MAN2A1: variants seen among roughly 807,000 people sequenced by gnomAD.
The protein encoded by MAN2A1 is alpha-mannosidase 2.
A neutral mutation model predicts 142.6 loss-of-function variants in MAN2A1; 76 were observed. The observed-to-expected ratio is 0.53, with a 90% CI of 0.44 to 0.65. The LOEUF (loss-of-function observed/expected upper bound fraction) is 0.65. Ranked by LOEUF, MAN2A1 falls within the 30% of genes least tolerant of loss-of-function variation. MAN2A1 has a pLI of 0.00. For missense variants in MAN2A1, 1,311 were observed against 1,365.1 expected (o/e 0.96, Z 0.62); for synonymous variants, 559 against 473.2 (o/e 1.18, Z -2.35).
chr5:109,814,356 A>T (rs911574352), intron 12 of MAN2A1, among the ~76,000 whole-genome samples: 3 of 152,310 alleles, frequency 2.0e-5, no homozygotes, highest in Admixed American at 6.5e-5. Flanking sequence ...TTGACTACCA[A>T]ATGTGATGAC....
intron 20 of MAN2A1, among the ~76,000 whole-genome samples, chr5:109,861,692 G>A (rs1300594184): frequency 6.6e-6 from 1 of 152,098 alleles, no homozygotes; most frequent in Non-Finnish European, 1.5e-5. Flanking sequence ...CCAGTAATGT[G>A]GTCCTGGGAG....
chr5:109,717,294 A>C (rs1561476043), intron 3 of MAN2A1, among the ~76,000 whole-genome samples: 1 of 152,156 alleles, frequency 6.6e-6, no homozygotes. Context: ...GAAGACAACA[A>C]AATATGTTAC....
chr5:109,799,731 G>A (rs1456079256), intron 12 of MAN2A1, among the ~76,000 whole-genome samples: 1 of 149,002 alleles, frequency 6.7e-6, no homozygotes, highest in African/African-American at 2.5e-5. Context: ...TCCAGCCTAG[G>A]CAACAAGAGC....
chr5:109,727,574 A>G (rs560663986), intron 3 of MAN2A1, among the ~76,000 whole-genome samples: 1 of 152,338 alleles, frequency 6.6e-6, no homozygotes, highest in East Asian at 1.9e-4. Context: ...TAACCAATAT[A>G]TGTTTTAAGA....
chr5:109,801,792 C>T (rs553459156), intron 12 of MAN2A1, among the ~76,000 whole-genome samples: 1 of 152,028 alleles, frequency 6.6e-6, no homozygotes, highest in African/African-American at 2.4e-5. Flanking sequence ...CACAATGAAA[C>T]TGAAAAATTT....
chr5:109,787,877 T>C (rs1753633987), intron 10 of MAN2A1, among the ~76,000 whole-genome samples: 1 of 151,922 alleles, frequency 6.6e-6, no homozygotes, highest in African/African-American at 2.4e-5. Flanking sequence ...GAAGTTTAGT[T>C]AGATTATGGC....
At chr5:109,717,395 T>C (rs1310424499) in intron 3 of MAN2A1, among the ~76,000 whole-genome samples, 1 of 152,190 alleles carries the variant, frequency 6.6e-6, no homozygotes, top group Non-Finnish European at 1.5e-5. Flanking sequence ...GCTTGGATAT[T>C]GAAATGCTTG....
chr5:109,832,814 G>A (rs985144473), intron 16 of MAN2A1, among the ~76,000 whole-genome samples: 1 of 151,814 alleles, frequency 6.6e-6, no homozygotes, highest in African/African-American at 2.4e-5. Context: ...CTGGGTGGGG[G>A]CTGTCCCCCA....
At chr5:109,709,259 C>T (rs1751228887) in intron 1 of MAN2A1, among the ~76,000 whole-genome samples, 1 of 152,148 alleles carries the variant, frequency 6.6e-6, no homozygotes, top group Non-Finnish European at 1.5e-5. Flanking sequence ...TATGTTTTAC[C>T]TATGAGAATG....
chr5:109,742,735 C>G (rs946927433), intron 4 of MAN2A1, among the ~76,000 whole-genome samples: 2 of 152,134 alleles, frequency 1.3e-5, no homozygotes, highest in South Asian at 4.1e-4. Context: ...TATTCAGAGT[C>G]ATTTGCAGAT....
At chr5:109,824,099 C>CT (rs1373297670) in intron 16 of MAN2A1, among the ~76,000 whole-genome samples, 2 of 152,122 alleles carry the variant, frequency 1.3e-5, no homozygotes, top group African/African-American at 4.8e-5. Flanking sequence ...TAACTGGTAA[C>CT]TTTATTTTTA....
At chr5:109,724,965 T>C (rs1751702069) in intron 3 of MAN2A1, among the ~76,000 whole-genome samples, 1 of 152,198 alleles carries the variant, frequency 6.6e-6, no homozygotes, top group South Asian at 2.1e-4. Flanking sequence ...ATTTGTACTT[T>C]TTTCCTAGTC....
chr5:109,854,224 T>G (rs1204292097), intron 19 of MAN2A1: 1 of 152,218 alleles, frequency 6.6e-6, no homozygotes, highest in Non-Finnish European at 1.5e-5. Context: ...CCTTTCTGCA[T>G]AAATTATTTT....
chr5:109,732,071 G>A (rs1344580858), intron 4 of MAN2A1, among the ~76,000 whole-genome samples: 1 of 151,850 alleles, frequency 6.6e-6, no homozygotes, highest in Non-Finnish European at 1.5e-5. Flanking sequence ...GAGTGAGATG[G>A]TATCTCATTG....
intron 12 of MAN2A1, among the ~76,000 whole-genome samples, chr5:109,790,312 A>C (rs1315359488): frequency 6.6e-6 from 1 of 151,882 alleles, no homozygotes; most frequent in African/African-American, 2.4e-5. Flanking sequence ...ATTTTATTAA[A>C]ATTATTTAAA....
intron 5 of MAN2A1, among the ~76,000 whole-genome samples, chr5:109,757,036 G>A (rs1752707207): frequency 6.6e-6 from 1 of 152,128 alleles, no homozygotes; most frequent in South Asian, 2.1e-4. Context: ...TGACTCCATG[G>A]GGAGAGGACG....
intron 2 of MAN2A1, 41 bp from the exon 3 acceptor site, chr5:109,716,076 TTAA>T (rs1424524936): frequency 3.7e-6 from 5 of 1,361,384 alleles, no homozygotes; most frequent in Non-Finnish European, 5.1e-6. Flanking sequence ...CAACATTAAA[TTAA>T]TAATTGTTAA....
At chr5:109,735,410 T>C (rs1752060517) in intron 4 of MAN2A1, among the ~76,000 whole-genome samples, 2 of 152,268 alleles carry the variant, frequency 1.3e-5, no homozygotes, top group Non-Finnish European at 2.9e-5. Flanking sequence ...TTTGATCCTG[T>C]CATTTTGATG....
chr5:109,836,650 T>G (rs751349066), intron 16 of MAN2A1, among the ~76,000 whole-genome samples: 1 of 152,224 alleles, frequency 6.6e-6, no homozygotes, highest in Non-Finnish European at 1.5e-5. Flanking sequence ...CTCCTGACGG[T>G]GACCTACTTG....
Sources: gnomAD v4.1 joint callset for allele counts (sites outside exome capture counted in the v4.1 genomes callset) on GRCh38, gnomAD v4.1.1 for gene constraint, MANE v1.5 for transcripts, NCBI Gene and HGNC (gene_info 2026-07-23, HGNC 2026-07-21) for gene names.